PTPRD: variants seen among roughly 807,000 people sequenced by gnomAD.
PTPRD encodes protein tyrosine phosphatase receptor type D, also known as receptor-type tyrosine-protein phosphatase delta.
A neutral mutation model predicts 214.5 loss-of-function variants in PTPRD; 34 were observed. The observed-to-expected ratio is 0.16, with a 90% CI of 0.12 to 0.21. PTPRD has a LOEUF of 0.21. Ranked by LOEUF, PTPRD falls within the 10% of genes least tolerant of loss-of-function variation. PTPRD has a pLI of 1.00. For missense variants in PTPRD, 2,545 were observed against 2,398.7 expected (o/e 1.06, Z -1.27); for synonymous variants, 1,128 against 845.7 (o/e 1.33, Z -5.79).
chr9:9,367,840 T>C (rs1256483134), intron 9 of PTPRD, among the ~76,000 whole-genome samples: 2 of 151,664 alleles, frequency 1.3e-5, no homozygotes, highest in Non-Finnish European at 2.9e-5. Context: ...AATCTCACAG[T>C]CTTTTTATGT....
chr9:9,541,416 C>T lies in PTPRD; in HGVS notation c.-237+33316G>A, dbSNP rs561051127. On this transcript the variant is annotated intron_variant, in intron 8 of 45. Coordinates refer to ENST00000381196, the MANE Select transcript of PTPRD (RefSeq NM_002839.4). The stretch of plus-strand genomic sequence containing the variant: ...ATGAAGGCCCCAGAAATAGGAGAGA[C>T]GCCATCTTGGAACTTCCAGCCCAAC... 1.6e-4 allele frequency among the ~76,000 whole-genome samples: 25 copies of T among 151,842 alleles called. No homozygotes were observed. The South Asian group carries it at 1.9e-3, about 11-fold the overall frequency.
intron 14 of PTPRD, among the ~76,000 whole-genome samples, chr9:8,610,377 G>A (rs911930201): frequency 1.3e-5 from 2 of 152,160 alleles, no homozygotes; most frequent in African/African-American, 4.8e-5. Flanking sequence ...GCACTGGAAA[G>A]CCTAGGGTTT....
intron 9 of PTPRD, among the ~76,000 whole-genome samples, chr9:9,344,678 A>C (rs1450990322): frequency 6.6e-6 from 1 of 152,108 alleles, no homozygotes; most frequent in African/African-American, 2.4e-5. Context: ...CTTACTTTTA[A>C]CTTTTAAAAA....
In PTPRD at chr9:9,365,075, G is replaced by A. The variant is rs139883791; in HGVS notation, c.-203+32374C>T. On this transcript the variant is annotated intron_variant, in intron 9 of 45. Transcript: ENST00000381196. ...CCTGAGAAACTGGAAACATGTCACC[G>A]TCATACCCTGTGCTGGAGAACACTG... 2.6e-5 allele frequency among the ~76,000 whole-genome samples: 4 copies of A among 151,548 alleles called. No homozygotes were observed. In the East Asian group the frequency reaches 5.9e-4, roughly 22 times the overall value.
chr9:9,817,526 T>C (rs1036120768), intron 5 of PTPRD, among the ~76,000 whole-genome samples: 1 of 152,180 alleles, frequency 6.6e-6, no homozygotes, highest in Non-Finnish European at 1.5e-5. Context: ...AGAAATATAT[T>C]TCTTCTCATC....
At chr9:9,522,769 T>G (rs1421013897) in intron 8 of PTPRD, among the ~76,000 whole-genome samples, 2 of 152,216 alleles carry the variant, frequency 1.3e-5, no homozygotes, top group African/African-American at 4.8e-5. Flanking sequence ...AGTTTTGAAT[T>G]CTGAAACTTA....
At chr9:8,461,894 C>A (rs1475457374) in intron 32 of PTPRD, among the ~76,000 whole-genome samples, 1 of 151,976 alleles carries the variant, frequency 6.6e-6, no homozygotes, top group Non-Finnish European at 1.5e-5. Flanking sequence ...AAACAATCCT[C>A]CAGCCTTGGC....
chr9:9,332,055 G>A (rs754938037), intron 9 of PTPRD, among the ~76,000 whole-genome samples: 1 of 152,074 alleles, frequency 6.6e-6, no homozygotes. Context: ...TGCATGGACA[G>A]CTAGTCTGTT....
chr9:9,049,086 G>C (rs962887726), intron 10 of PTPRD, among the ~76,000 whole-genome samples: 1 of 152,182 alleles, frequency 6.6e-6, no homozygotes, highest in Non-Finnish European at 1.5e-5. Flanking sequence ...GATCTGGAAA[G>C]CAACACTAGT....
rs1230200170 is a variant in PTPRD at position 10,523,612 on chromosome 9, T to TAGAGAGAGAGAGAGAG, written c.-600+88785_-600+88786insCTCTCTCTCTCTCTCT. On this transcript the variant is annotated intron_variant, in intron 2 of 45. Transcript: ENST00000381196. ...AAGTATATTTATCTGTATATATATATATATATATATAGACAGAAAGAAAGG... is the reference window on the plus strand; with the variant it reads ...AAGTATATTTATCTGTATATATATATAGAGAGAGAGAGAGAGATATATATATAGACAGAAAGAAAGG... Among the ~76,000 whole-genome samples, 237 of 96,570 alleles carry TAGAGAGAGAGAGAGAG rather than the reference T, an allele frequency of 2.5e-3. 6 individuals are homozygous for TAGAGAGAGAGAGAGAG. Among genetic ancestry groups the TAGAGAGAGAGAGAGAG allele is most frequent in the African/African-American group, 7.3e-3 (227 of 30,896 alleles). The allele number at this position is 96,570 out of a possible 152,430, so 63.4% of individuals were successfully genotyped here.
rs2097248907 is a variant in PTPRD, at chr9:10,039,082, T to C, written c.-544-5292A>G. The stretch of plus-strand genomic sequence containing the variant: ...GCTACATGAAAAAGATGTACAGGCA[T>C]GTACGTAGGTTTGTTGTTCACAAAA... On this transcript the variant is annotated intron_variant, in intron 3 of 45. Coordinates refer to ENST00000381196, the MANE Select transcript of PTPRD (RefSeq NM_002839.4). 2.0e-5 allele frequency among the ~76,000 whole-genome samples: 3 copies of C among 152,226 alleles called. No individual in the cohort carries two copies. In the South Asian group the frequency reaches 6.2e-4, roughly 32 times the overall value.
rs185592779 is a variant in PTPRD, at chr9:10,460,577, C to G, written c.-599-119560G>C. Among the ~76,000 whole-genome samples the G allele has an allele frequency of 1.6e-3, 246 of 152,172 alleles. 2 individuals carry two copies. Among genetic ancestry groups the G allele is most frequent in the African/African-American group, 5.5e-3 (229 of 41,550 alleles). On this transcript the variant is annotated intron_variant, in intron 2 of 45. Transcript: ENST00000381196. ...GCCCCAAAATAAATCTAAACATATA[C>G]AGTCAACTAATTTTTGACAAGGGCA...
chr9:8,747,801 T>A (rs2093003343), intron 11 of PTPRD, among the ~76,000 whole-genome samples: 1 of 152,154 alleles, frequency 6.6e-6, no homozygotes, highest in South Asian at 2.1e-4. Flanking sequence ...GATGGCCAAA[T>A]TATTATTTAC....
chr9:10,233,712 C>G (rs1242891497), intron 3 of PTPRD, among the ~76,000 whole-genome samples: 2 of 151,882 alleles, frequency 1.3e-5, no homozygotes, highest in Non-Finnish European at 2.9e-5. Context: ...AAAGCTTAAG[C>G]TAACTTTTCA....
chr9:10,229,301 T>C (rs10809038), intron 3 of PTPRD, among the ~76,000 whole-genome samples: 13,018 of 152,094 alleles, frequency 0.086, 711 homozygotes, highest in South Asian at 0.12. Flanking sequence ...TGGCAATTCC[T>C]CAGGGATCTA....
At chr9:8,452,538 T>C (rs2096002211) in intron 33 of PTPRD, among the ~76,000 whole-genome samples, 1 of 152,220 alleles carries the variant, frequency 6.6e-6, no homozygotes, top group Non-Finnish European at 1.5e-5. Context: ...TCATTTTCGA[T>C]TTGAAAAATG....
chr9:8,599,038 C>A (rs1347266317), intron 14 of PTPRD, among the ~76,000 whole-genome samples: 3 of 152,050 alleles, frequency 2.0e-5, no homozygotes, highest in Admixed American at 6.6e-5. Context: ...TGGGAAGGAC[C>A]CGGTGGGAGA....
chr9:8,849,330 C>A (rs1419281150), intron 11 of PTPRD, among the ~76,000 whole-genome samples: 1 of 152,014 alleles, frequency 6.6e-6, no homozygotes, highest in Non-Finnish European at 1.5e-5. Context: ...CAAGTGCCAC[C>A]ATGTCCAGAT....
chr9:8,635,915 C>T (rs1369353110), intron 13 of PTPRD, among the ~76,000 whole-genome samples: 1 of 152,136 alleles, frequency 6.6e-6, no homozygotes, highest in Non-Finnish European at 1.5e-5. Flanking sequence ...TCAGCCTTCT[C>T]ACAAACACTC....
Sources: allele counts gnomAD v4.1 joint callset (sites outside exome capture counted in the v4.1 genomes callset), GRCh38; gene constraint gnomAD v4.1.1; transcripts MANE v1.5; gene names NCBI Gene and HGNC (gene_info 2026-07-23, HGNC 2026-07-21).